The following SFT2D1 variants were observed in gnomAD, a reference collection of about 807,000 sequenced individuals.
The protein encoded by SFT2D1 is vesicle transport protein SFT2A.
In SFT2D1, 24 loss-of-function variants were observed where a neutral mutation model predicts 28.1. The ratio of observed to expected loss-of-function variants is 0.85; its 90% CI spans 0.62 to 1.20. The LOEUF (loss-of-function observed/expected upper bound fraction) is 1.20. Ranked by LOEUF, SFT2D1 falls within the 50% of genes most tolerant of loss-of-function variation. The probability of loss-of-function intolerance (pLI) is 0.00; values close to 1 mark genes in which losing one functional copy is unlikely to be tolerated. For synonymous variants in SFT2D1, 82 were observed against 73.7 expected, an observed-to-expected ratio of 1.11 and a Z score of -0.58; for missense variants, 181 against 190.9, an observed-to-expected ratio of 0.95 and a Z score of 0.31.
At chr6:166,339,878 T>C (rs991093294) in intron 1 of SFT2D1, among the ~76,000 whole-genome samples, 7 of 152,144 alleles carry the variant, frequency 4.6e-5, no homozygotes, top group Non-Finnish European at 1.0e-4. Flanking sequence ...CTCTCCTATT[T>C]CCTCCCACAA....
intron 7 of SFT2D1, among the ~76,000 whole-genome samples, chr6:166,320,793 AG>A (rs1207607690): frequency 6.6e-6 from 1 of 152,060 alleles, no homozygotes; most frequent in Admixed American, 6.6e-5. Flanking sequence ...CTGGGATTAC[AG>A]GGATGAGCCA....
intron 1 of SFT2D1, among the ~76,000 whole-genome samples, chr6:166,336,975 C>T (rs1037960439): frequency 6.6e-6 from 1 of 152,178 alleles, no homozygotes. Context: ...CATAGGAATT[C>T]TGGGGGGGAC....
intron 6 of SFT2D1, 97 bp from the exon 7 acceptor site, chr6:166,322,983 A>G (rs1778385062): frequency 1.0e-6 from 1 of 973,738 alleles, no homozygotes; most frequent in Non-Finnish European, 1.7e-6. Flanking sequence ...ATACAGCAGC[A>G]TGAGACTGTA....
rs1778432816 is a variant in SFT2D1 at position 166,325,720 on chromosome 6, C to T, written c.351+412G>A. The stretch of plus-strand genomic sequence containing the variant: ...CAGATTTGCCAACCAGGCCCACAAG[C>T]AGGTGAGCTCGGGCACACATGTGTG... On this transcript the variant is annotated intron_variant, in intron 5 of 7. Coordinates refer to ENST00000361731, the MANE Select transcript of SFT2D1 (RefSeq NM_145169.3). Among the ~76,000 whole-genome samples, 3 of 152,264 alleles carry T rather than the reference C, an allele frequency of 2.0e-5. No individual in the cohort carries two copies. The South Asian group carries it at 6.2e-4, about 31-fold the overall frequency.
At chr6:166,342,092 C>T (rs1309769540) in intron 1 of SFT2D1, among the ~76,000 whole-genome samples, 1 of 152,174 alleles carries the variant, frequency 6.6e-6, no homozygotes, top group East Asian at 1.9e-4. Context: ...GAGGCCAGAC[C>T]CCGCACCAGG....
chr6:166,329,252 A>G (rs746989882), intron 3 of SFT2D1, among the ~76,000 whole-genome samples: 2 of 152,230 alleles, frequency 1.3e-5, no homozygotes, highest in African/African-American at 2.4e-5. Flanking sequence ...GTCATAATAC[A>G]TACAAAACAC....
chr6:166,330,718 C>T (rs1019388099), intron 1 of SFT2D1, among the ~76,000 whole-genome samples: 8 of 152,148 alleles, frequency 5.3e-5, no homozygotes, highest in African/African-American at 1.7e-4. Flanking sequence ...TGAGTGCATC[C>T]GAGTGCATCC....
intron 4 of SFT2D1, 63 bp downstream of exon 4, chr6:166,328,212 AT>A (rs1778486780): frequency 1.1e-6 from 1 of 947,950 alleles, no homozygotes; most frequent in Admixed American, 2.7e-5. Context: ...ACAGGCAATT[AT>A]TCGTAAAATA....
intron 1 of SFT2D1, among the ~76,000 whole-genome samples, chr6:166,341,954 C>A (rs950851157): frequency 6.6e-6 from 1 of 152,188 alleles, no homozygotes; most frequent in African/African-American, 2.4e-5. Context: ...AAAGACCACC[C>A]CCCAGCAAAC....
At chr6:166,341,135 T>C (rs773721242) in intron 1 of SFT2D1, among the ~76,000 whole-genome samples, 1 of 152,202 alleles carries the variant, frequency 6.6e-6, no homozygotes, top group Non-Finnish European at 1.5e-5. Flanking sequence ...TTAAATTTTA[T>C]TTAATTTTAA....
Position 166,324,547 on chromosome 6 carries a change from A to C in SFT2D1, c.400T>G (p.Ser134Ala). 1 of 1,612,480 alleles carries C rather than the reference A, an allele frequency of 6.2e-7. No individual in the cohort carries two copies. The highest frequency in any genetic ancestry group is 8.5e-7 in the Non-Finnish European group (1 of 1,179,740). The change falls in exon 6 of 8, where the codon TCA (serine) becomes GCA (alanine). Residue 134 changes from serine (S) to alanine (A), a missense_variant. Transcript: ENST00000361731. Reference sequence around the variant, plus strand: ...TAAGGAAAGACTTACCAGGTCATTGACAAGAACTGCAATATGCAGAATAAC... The same window carrying C: ...TAAGGAAAGACTTACCAGGTCATTGCCAAGAACTGCAATATGCAGAATAAC... ...AVLFCILQFL[S>A]MTWYSLSYIP...
intron 1 of SFT2D1, among the ~76,000 whole-genome samples, chr6:166,336,405 A>G (rs1241245116): frequency 6.6e-6 from 1 of 152,240 alleles, no homozygotes; most frequent in Non-Finnish European, 1.5e-5. Context: ...AGATAACATT[A>G]TAGATGGGAA....
intron 5 of SFT2D1, among the ~76,000 whole-genome samples, chr6:166,325,461 G>C (rs1778427010): frequency 6.6e-6 from 1 of 152,204 alleles, no homozygotes; most frequent in African/African-American, 2.4e-5. Flanking sequence ...GTAACAATGT[G>C]ACTTCTTTAA....
intron 5 of SFT2D1, chr6:166,325,912 C>T (rs1282620140): frequency 1.0e-5 from 6 of 591,568 alleles, no homozygotes; most frequent in Admixed American, 3.1e-5. Context: ...AGCATGTGTG[C>T]ACATGTGTGT....
intron 1 of SFT2D1, among the ~76,000 whole-genome samples, chr6:166,339,557 T>C (rs1394030102): frequency 6.6e-6 from 1 of 151,974 alleles, no homozygotes; most frequent in African/African-American, 2.4e-5. Context: ...CTTTCTATTC[T>C]CCCCTGACTT....
intron 1 of SFT2D1, among the ~76,000 whole-genome samples, chr6:166,340,740 A>G (rs952142826): frequency 2.0e-5 from 3 of 152,188 alleles, no homozygotes; most frequent in African/African-American, 4.8e-5. Context: ...TGTTTCCTCC[A>G]ATTAAAATTT....
At position 166,324,599 on chromosome 6, in the gene SFT2D1, A is replaced by G; in HGVS notation, c.352-4T>C. 2.5e-6 allele frequency: 4 copies of G among 1,612,124 alleles called. No individual in the cohort carries two copies. The highest frequency in any genetic ancestry group is 3.4e-6 in the Non-Finnish European group (4 of 1,179,646). ...CAGCCAGTCCCTTCTTATGCCACTAACAACAGCAAAAACAGAGCAATTATG... is the reference window on the plus strand; with the variant it reads ...CAGCCAGTCCCTTCTTATGCCACTAGCAACAGCAAAAACAGAGCAATTATG... On this transcript the variant is annotated splice_polypyrimidine_tract_variant and splice_region_variant and intron_variant, in intron 5 of 7. Coordinates refer to ENST00000361731, the MANE Select transcript of SFT2D1 (RefSeq NM_145169.3).
At chr6:166,340,734 T>G (rs899395678) in intron 1 of SFT2D1, among the ~76,000 whole-genome samples, 2 of 152,232 alleles carry the variant, frequency 1.3e-5, no homozygotes, top group African/African-American at 4.8e-5. Flanking sequence ...ATTCACTGTT[T>G]CCTCCAATTA....
intron 1 of SFT2D1, among the ~76,000 whole-genome samples, chr6:166,336,610 T>G (rs886354943): frequency 6.6e-6 from 1 of 152,216 alleles, no homozygotes; most frequent in African/African-American, 2.4e-5. Flanking sequence ...TGACACCTTC[T>G]GAGTCCTCAC....
Sources: allele counts gnomAD v4.1 joint callset (sites outside exome capture counted in the v4.1 genomes callset), GRCh38; gene constraint gnomAD v4.1.1; transcripts MANE v1.5; gene names NCBI Gene and HGNC (gene_info 2026-07-23, HGNC 2026-07-21).